CARMIL1: variants seen among roughly 807,000 people sequenced by gnomAD.
CARMIL1 encodes the protein capping protein regulator and myosin 1 linker 1, also known as F-actin-uncapping protein LRRC16A.
A neutral mutation model predicts 177.1 loss-of-function variants in CARMIL1; 90 were observed. The ratio of observed to expected loss-of-function variants is 0.51; its 90% CI spans 0.43 to 0.61. The LOEUF is 0.61. Among genes scored for constraint, CARMIL1 ranks in the 20% least tolerant of loss-of-function variants. The probability of loss-of-function intolerance (pLI) is 0.00; values close to 1 mark genes in which losing one functional copy is unlikely to be tolerated. For synonymous variants in CARMIL1, 577 were observed against 606.2 expected (o/e 0.95, Z 0.71); for missense variants, 1,380 against 1,667.0 (o/e 0.83, Z 3.00).
chr6:25,352,047 T>C (rs151119136), intron 2 of CARMIL1, among the ~76,000 whole-genome samples: 21 of 152,254 alleles, frequency 1.4e-4, no homozygotes, highest in Admixed American at 3.9e-4. Context: ...TCTCTTTTTG[T>C]TCCTGATGTT....
intron 2 of CARMIL1, among the ~76,000 whole-genome samples, chr6:25,374,703 C>G (rs372268680): frequency 3.3e-5 from 5 of 152,094 alleles, no homozygotes; most frequent in African/African-American, 1.2e-4. Flanking sequence ...GAGTTCAAGA[C>G]TTAGGTGCAT....
intron 2 of CARMIL1, among the ~76,000 whole-genome samples, chr6:25,348,453 A>C: frequency 6.6e-6 from 1 of 151,938 alleles, no homozygotes; most frequent in East Asian, 1.9e-4. Context: ...TTCTAATCTT[A>C]AACATAGAAA....
chr6:25,507,363 TTC>T (rs1397525682), intron 17 of CARMIL1: 11 of 152,218 alleles, frequency 7.2e-5, no homozygotes, highest in African/African-American at 2.7e-4. Flanking sequence ...GAAGTATTTT[TTC>T]TGACTCTTTG....
chr6:25,501,621 T>A (rs1001988512), intron 17 of CARMIL1, among the ~76,000 whole-genome samples: 2 of 152,204 alleles, frequency 1.3e-5, no homozygotes, highest in Non-Finnish European at 2.9e-5. Context: ...TTTCTAATTG[T>A]CTAGCACTTA....
chr6:25,367,675 C>G (rs1789968301), intron 2 of CARMIL1, among the ~76,000 whole-genome samples: 2 of 152,166 alleles, frequency 1.3e-5, no homozygotes. Context: ...TATTTTGAGA[C>G]AGGTTCCCAT....
At chr6:25,316,636 T>C (rs989775283) in intron 2 of CARMIL1, among the ~76,000 whole-genome samples, 4 of 152,076 alleles carry the variant, frequency 2.6e-5, no homozygotes, top group African/African-American at 9.7e-5. Context: ...GGTCTTGAAC[T>C]CCTGACCTCA....
At chr6:25,484,972 T>C (rs372432430) in intron 12 of CARMIL1, among the ~76,000 whole-genome samples, 96 of 152,228 alleles carry the variant, frequency 6.3e-4, no homozygotes, top group African/African-American at 2.3e-3. Flanking sequence ...GAGTTTCAGG[T>C]TGCAGTGAGC....
intron 32 of CARMIL1, among the ~76,000 whole-genome samples, chr6:25,598,917 C>T (rs1231374097): frequency 6.6e-6 from 1 of 152,112 alleles, no homozygotes; most frequent in African/African-American, 2.4e-5. Context: ...TCCTGCCTGG[C>T]AGGTATAAAC....
At chr6:25,358,088 A>G (rs1464588492) in intron 2 of CARMIL1, among the ~76,000 whole-genome samples, 1 of 152,204 alleles carries the variant, frequency 6.6e-6, no homozygotes. Context: ...TCGGTAATAA[A>G]AATTAATATT....
intron 24 of CARMIL1, 34 bp from the exon 25 acceptor site, chr6:25,537,821 A>C: frequency 6.2e-7 from 1 of 1,607,330 alleles, no homozygotes; most frequent in Non-Finnish European, 8.5e-7. Flanking sequence ...GGCTGGGCTG[A>C]CTTGGATGCT....
At chr6:25,447,370 G>C (rs553977705) in intron 5 of CARMIL1, among the ~76,000 whole-genome samples, 1 of 152,062 alleles carries the variant, frequency 6.6e-6, no homozygotes, top group Non-Finnish European at 1.5e-5. Flanking sequence ...CAACCTCCCA[G>C]GCCCTAGCAT....
intron 2 of CARMIL1, chr6:25,389,000 A>G (rs1792472225): frequency 6.6e-6 from 1 of 152,234 alleles, no homozygotes; most frequent in South Asian, 2.1e-4. Flanking sequence ...AACAGGCACT[A>G]CCAAGAAAGT....
intron 22 of CARMIL1, among the ~76,000 whole-genome samples, chr6:25,517,751 C>A (rs999395037): frequency 2.6e-5 from 4 of 151,844 alleles, no homozygotes; most frequent in Non-Finnish European, 5.9e-5. Context: ...ACAATCTACA[C>A]TAGGTCTTGT....
chr6:25,577,250 TACAA>T lies in CARMIL1; in HGVS notation c.2743-3670_2743-3667del. ...GCAAGCAGAGTGTTGATGAAGAGGATACAAACATTCAAGAGGAGACAAGTGCTTA... is the reference window on the plus strand; with the variant it reads ...GCAAGCAGAGTGTTGATGAAGAGGATACATTCAAGAGGAGACAAGTGCTTA... On this transcript the variant is annotated intron_variant, in intron 29 of 36. Transcript: ENST00000329474. The surrounding 1 kb of genome is among the most constrained non-coding windows in gnomAD (Gnocchi z 4.5). 6.0e-6 allele frequency: 2 copies of T among 334,518 alleles called. No individual in the cohort carries two copies. The highest frequency in any genetic ancestry group is 8.5e-6 in the Non-Finnish European group (2 of 234,800). 20.7% of individuals were successfully genotyped at this position (334,518 alleles called of 1,614,324 possible). A position where few individuals can be genotyped will look rare whatever the true frequency, so the allele number is the denominator to read the frequency against.
intron 2 of CARMIL1, among the ~76,000 whole-genome samples, chr6:25,300,831 A>G (rs972072846): frequency 2.6e-5 from 4 of 152,224 alleles, no homozygotes; most frequent in African/African-American, 9.6e-5. Context: ...AACTAAGTAT[A>G]TTACTAAGTT....
At chr6:25,575,895 G>A (rs1039762456) in intron 29 of CARMIL1, among the ~76,000 whole-genome samples, 1 of 152,058 alleles carries the variant, frequency 6.6e-6, no homozygotes, top group Non-Finnish European at 1.5e-5. Flanking sequence ...ACAAATTGAG[G>A]AGCCCTGTAT....
chr6:25,398,303 T>G (rs74373440), intron 2 of CARMIL1, among the ~76,000 whole-genome samples: 3,082 of 152,204 alleles, frequency 0.02, 115 homozygotes, highest in East Asian at 0.13. Flanking sequence ...ATGATAAGCC[T>G]TTTTGATGAC....
intron 23 of CARMIL1, among the ~76,000 whole-genome samples, chr6:25,522,271 TTACTC>T (rs1045976385): frequency 2.6e-4 from 39 of 152,330 alleles, no homozygotes; most frequent in African/African-American, 9.1e-4. Flanking sequence ...ACTAAAATCT[TTACTC>T]TATCCCTTCC....
chr6:25,549,444 T>G (rs1809846536), intron 26 of CARMIL1, among the ~76,000 whole-genome samples: 2 of 152,202 alleles, frequency 1.3e-5, no homozygotes, highest in Non-Finnish European at 2.9e-5. Context: ...TTAGACTGAC[T>G]TACTTGCATC....
Sources: allele counts gnomAD v4.1 joint callset (sites outside exome capture counted in the v4.1 genomes callset), GRCh38; gene constraint gnomAD v4.1.1; non-coding constraint Gnocchi (gnomAD v3.1); transcripts MANE v1.5; gene names NCBI Gene and HGNC (gene_info 2026-07-23, HGNC 2026-07-21).